Variants in KALRN observed in about 807,000 individuals in gnomAD.
KALRN encodes the protein kalirin RhoGEF kinase, also known as kalirin.
A neutral mutation model predicts 353.7 loss-of-function variants in KALRN; 70 were observed. The ratio of observed to expected loss-of-function variants is 0.20; its 90% CI spans 0.16 to 0.24. The LOEUF (loss-of-function observed/expected upper bound fraction) is 0.24. Ranked by LOEUF, KALRN falls within the 10% of genes least tolerant of loss-of-function variation. KALRN has a pLI of 1.00. For missense variants in KALRN, 2,791 were observed against 3,756.7 expected (o/e 0.74, Z 6.72); for synonymous variants, 1,391 against 1,434.8 (o/e 0.97, Z 0.69).
At position 124,547,545 on chromosome 3, in the gene KALRN, ATCC is replaced by A. The variant is rs1473371295; in HGVS notation, c.4936-15293_4936-15291del. Among the ~76,000 whole-genome samples the A allele has an allele frequency of 1.7e-4, 26 of 152,232 alleles. No homozygotes were observed. The East Asian group carries it at 5.0e-3, about 29-fold the overall frequency. On this transcript the variant is annotated intron_variant, in intron 33 of 59. Coordinates refer to ENST00000682506, the MANE Select transcript of KALRN (RefSeq NM_001388419.1). ...GGTCTTGAACTCTTGGCCTGAAGCAATCCTCCTGCCTGGGCCTCCCAAAGTGCT... is the reference window on the plus strand; with the variant it reads ...GGTCTTGAACTCTTGGCCTGAAGCAATCCTGCCTGGGCCTCCCAAAGTGCT...
chr3:124,152,332 G>A, intron 1 of KALRN: 12 of 1,225,922 alleles, frequency 9.8e-6, no homozygotes, highest in Non-Finnish European at 1.3e-5. Flanking sequence ...CTTCACAAAG[G>A]TTCCATTGAA....
chr3:124,315,644 G>A (rs1192915115), intron 6 of KALRN, among the ~76,000 whole-genome samples: 3 of 150,784 alleles, frequency 2.0e-5, no homozygotes, highest in Non-Finnish European at 4.4e-5. Flanking sequence ...GTTTGCCCCC[G>A]AGACCTGTAG....
chr3:124,141,094 G>T (rs544652529), intron 1 of KALRN, among the ~76,000 whole-genome samples: 2 of 152,148 alleles, frequency 1.3e-5, no homozygotes, highest in South Asian at 2.1e-4. Flanking sequence ...ACCAGGACTT[G>T]TCTGTTTGTC....
At chr3:124,331,800 C>T (rs2080591788) in intron 8 of KALRN, among the ~76,000 whole-genome samples, 1 of 152,128 alleles carries the variant, frequency 6.6e-6, no homozygotes, top group Non-Finnish European at 1.5e-5. Flanking sequence ...AATTATCAGG[C>T]CCTAGCGTTG....
rs1329953978 is a variant in KALRN, at chr3:124,319,697, A to G, written c.1093-6283A>G. On this transcript the variant is annotated intron_variant, in intron 6 of 59. Transcript: ENST00000682506. ...TCCCACCATCATGTATACCTGGTACAAAATAAGTATTCAGGCCAGGCGCAG... is the reference window on the plus strand; with the variant it reads ...TCCCACCATCATGTATACCTGGTACGAAATAAGTATTCAGGCCAGGCGCAG... 2.6e-5 allele frequency among the ~76,000 whole-genome samples: 4 copies of G among 151,962 alleles called. No individual in the cohort carries two copies. The East Asian group carries it at 7.7e-4, about 29-fold the overall frequency.
At chr3:124,390,715 T>G (rs1305964554) in intron 11 of KALRN, among the ~76,000 whole-genome samples, 1 of 152,206 alleles carries the variant, frequency 6.6e-6, no homozygotes, top group African/African-American at 2.4e-5. Context: ...AATCAATTGT[T>G]GTCAGCACAG....
chr3:124,441,940 C>T lies in KALRN; in HGVS notation c.3199-5C>T, dbSNP rs367903121. On this transcript the variant is annotated splice_polypyrimidine_tract_variant and splice_region_variant and intron_variant, in intron 18 of 59. Coordinates refer to ENST00000682506, the MANE Select transcript of KALRN (RefSeq NM_001388419.1). The stretch of plus-strand genomic sequence containing the variant: ...ACAGGGGCCTCACAGCTTTGTCTTT[C>T]GCAGGCCTGCACCCTGGCTCGGCGG... 2.8e-5 allele frequency: 44 copies of T among 1,551,602 alleles called. 1 individual carries two copies. The Admixed American group carries it at 2.8e-4, about 10-fold the overall frequency.
intron 34 of KALRN, among the ~76,000 whole-genome samples, chr3:124,596,314 A>G (rs1237344912): frequency 6.6e-6 from 1 of 152,058 alleles, no homozygotes; most frequent in East Asian, 1.9e-4. Flanking sequence ...TGAAAATACA[A>G]AATTTAACTG....
At chr3:124,351,016 A>G (rs541826621) in intron 10 of KALRN, among the ~76,000 whole-genome samples, 19 of 152,268 alleles carry the variant, frequency 1.2e-4, no homozygotes, top group African/African-American at 3.6e-4. Flanking sequence ...AGGAAAACCA[A>G]TGCTGACCAC....
chr3:124,259,344 T>C (rs2072515243), intron 3 of KALRN, among the ~76,000 whole-genome samples: 1 of 152,184 alleles, frequency 6.6e-6, no homozygotes, highest in African/African-American at 2.4e-5. Context: ...GTTACAGGCA[T>C]CAGCTGATAG....
chr3:124,080,652 C>T (rs1267555433), intron 1 of KALRN, among the ~76,000 whole-genome samples: 5 of 152,128 alleles, frequency 3.3e-5, no homozygotes, highest in Non-Finnish European at 5.9e-5. Context: ...TCATAAACAG[C>T]GTCTCCTTGT....
chr3:124,214,930 G>A (rs908002720), intron 1 of KALRN, among the ~76,000 whole-genome samples: 1 of 152,214 alleles, frequency 6.6e-6, no homozygotes, highest in Non-Finnish European at 1.5e-5. Flanking sequence ...CTAGGTAGAT[G>A]TGGTGGCTTC....
chr3:124,621,382 A>T (rs955744558), intron 34 of KALRN, among the ~76,000 whole-genome samples: 3 of 152,236 alleles, frequency 2.0e-5, no homozygotes, highest in Non-Finnish European at 4.4e-5. Context: ...GTGGTAAGGT[A>T]AAGGATGTTG....
chr3:124,071,778 C>T (rs747688957), intron 1 of KALRN, among the ~76,000 whole-genome samples: 9 of 152,180 alleles, frequency 5.9e-5, no homozygotes, highest in Non-Finnish European at 1.3e-4. Context: ...GTTTCAACAT[C>T]TAAATTTTGG....
chr3:124,533,999 G>A (rs1483447721), intron 33 of KALRN, among the ~76,000 whole-genome samples: 1 of 152,088 alleles, frequency 6.6e-6, no homozygotes, highest in Non-Finnish European at 1.5e-5. Context: ...ATATGATGTG[G>A]TGCTCTTCCT....
chr3:124,552,696 T>C (rs1052063961), intron 33 of KALRN, among the ~76,000 whole-genome samples: 2 of 152,192 alleles, frequency 1.3e-5, no homozygotes, highest in Admixed American at 1.3e-4. Context: ...AGTTTACTAT[T>C]TTTTTCTTTC....
chr3:124,580,384 G>GGGGGGGGGGGGT (rs1398227667), intron 34 of KALRN, among the ~76,000 whole-genome samples: 38 of 148,650 alleles, frequency 2.6e-4, no homozygotes, highest in Admixed American at 6.9e-4. Flanking sequence ...GGGGAGGGGG[G>GGGGGGGGGGGGT]ACTCAGGCAG....
At chr3:124,062,827 G>A (rs1225655190) in intron 1 of KALRN, among the ~76,000 whole-genome samples, 2 of 152,150 alleles carry the variant, frequency 1.3e-5, no homozygotes, top group Admixed American at 6.5e-5. Flanking sequence ...ACTAGGCTGT[G>A]GTACTGAAGT....
intron 33 of KALRN, among the ~76,000 whole-genome samples, chr3:124,506,197 C>T (rs966922255): frequency 6.6e-6 from 1 of 152,198 alleles, no homozygotes; most frequent in Non-Finnish European, 1.5e-5. Flanking sequence ...GGCTTGAGAG[C>T]TCTTCTTTTG....
Sources: allele counts gnomAD v4.1 joint callset (sites outside exome capture counted in the v4.1 genomes callset), GRCh38; gene constraint gnomAD v4.1.1; transcripts MANE v1.5; gene names NCBI Gene and HGNC (gene_info 2026-07-23, HGNC 2026-07-21).